Variants in RPS6KC1 observed in about 807,000 individuals in gnomAD.
RPS6KC1 encodes inactive ribosomal protein S6 kinase delta-1.
RPS6KC1 carries 54 observed loss-of-function variants against 103.8 expected under a neutral mutation model. That is an observed-to-expected ratio of 0.52 (90% CI 0.42 to 0.65). RPS6KC1 has a LOEUF of 0.65. RPS6KC1 is among the 30% of genes least tolerant of loss of function. The probability of loss-of-function intolerance (pLI) is 0.00; values close to 1 mark genes in which losing one functional copy is unlikely to be tolerated. For synonymous variants in RPS6KC1, 439 were observed against 438.7 expected, an observed-to-expected ratio of 1.00 and a Z score of -0.01; for missense variants, 1,151 against 1,253.8, an observed-to-expected ratio of 0.92 and a Z score of 1.24.
At chr1:213,658,075 T>C in the RPS6KC1 span, among the ~76,000 whole-genome samples, 1 of 152,118 alleles carries the variant, frequency 6.6e-6, no homozygotes, top group African/African-American at 2.4e-5. Context: ...AGGGAGGAAA[T>C]GAATGACATA....
At chr1:213,474,069 T>C in the RPS6KC1 span, among the ~76,000 whole-genome samples, 1 of 152,166 alleles carries the variant, frequency 6.6e-6, no homozygotes, top group African/African-American at 2.4e-5. Flanking sequence ...CCAAAGCTGG[T>C]CTTCTAGGCT....
At chr1:213,718,466 C>A in the RPS6KC1 span, among the ~76,000 whole-genome samples, 9 of 152,316 alleles carry the variant, frequency 5.9e-5, no homozygotes, top group South Asian at 4.1e-4. Flanking sequence ...TATGTAACAC[C>A]CTCTCTGAGG....
the RPS6KC1 span, among the ~76,000 whole-genome samples, chr1:213,486,275 A>C: frequency 6.6e-6 from 1 of 152,212 alleles, no homozygotes; most frequent in Non-Finnish European, 1.5e-5. Flanking sequence ...GGATTTATTA[A>C]ATTGGTTCAA....
chr1:213,100,783 G>T (rs1558316205), intron 3 of RPS6KC1, among the ~76,000 whole-genome samples: 2 of 152,138 alleles, frequency 1.3e-5, no homozygotes, highest in South Asian at 4.1e-4. Context: ...TTTTATGGCT[G>T]TGTAGTATTC....
At chr1:213,510,001 C>T in the RPS6KC1 span, among the ~76,000 whole-genome samples, 100 of 152,312 alleles carry the variant, frequency 6.6e-4, no homozygotes, top group African/African-American at 2.2e-3. Flanking sequence ...GACTGATTCT[C>T]ACAGCTCTGT....
chr1:213,054,549 C>T (rs1334595110), intron 1 of RPS6KC1, among the ~76,000 whole-genome samples: 2 of 152,210 alleles, frequency 1.3e-5, no homozygotes, highest in African/African-American at 4.8e-5. Flanking sequence ...ATATTTTCTA[C>T]TACTGATTTA....
chr1:213,539,546 T>C, the RPS6KC1 span, among the ~76,000 whole-genome samples: 1 of 152,190 alleles, frequency 6.6e-6, no homozygotes, highest in Non-Finnish European at 1.5e-5. Flanking sequence ...CAGAGTGAGA[T>C]GGGAGGCAGA....
At chr1:213,193,136 A>G (rs985726800) in intron 8 of RPS6KC1, among the ~76,000 whole-genome samples, 2 of 152,126 alleles carry the variant, frequency 1.3e-5, no homozygotes, top group African/African-American at 4.8e-5. Context: ...TGTCCTTGAA[A>G]ATGATCCACG....
chr1:213,819,604 A>G, the RPS6KC1 span: 1 of 152,256 alleles, frequency 6.6e-6, no homozygotes, highest in African/African-American at 2.4e-5. Flanking sequence ...CCTTATATGC[A>G]GAGGAAGATA....
the RPS6KC1 span, among the ~76,000 whole-genome samples, chr1:213,279,937 C>G: frequency 2.0e-5 from 3 of 152,184 alleles, no homozygotes; most frequent in Non-Finnish European, 4.4e-5. Flanking sequence ...TGTGTTTTAA[C>G]AAGCCCTTTC....
the RPS6KC1 span, among the ~76,000 whole-genome samples, chr1:213,323,055 C>A: frequency 6.6e-6 from 1 of 151,172 alleles, no homozygotes; most frequent in South Asian, 2.1e-4. Flanking sequence ...TGAGCCACTG[C>A]GCTGGGCCTC....
At chr1:213,569,834 G>A in the RPS6KC1 span, among the ~76,000 whole-genome samples, 1 of 152,178 alleles carries the variant, frequency 6.6e-6, no homozygotes, top group African/African-American at 2.4e-5. Flanking sequence ...AGGTGAGTTT[G>A]AGACATTTTC....
chr1:213,569,144 A>T, the RPS6KC1 span, among the ~76,000 whole-genome samples: 2 of 152,024 alleles, frequency 1.3e-5, no homozygotes, highest in Non-Finnish European at 2.9e-5. Flanking sequence ...TTTCCTAGGT[A>T]CTCAGGCAGG....
chr1:213,380,991 C>T, the RPS6KC1 span, among the ~76,000 whole-genome samples: 350 of 152,234 alleles, frequency 2.3e-3, 8 homozygotes, highest in Non-Finnish European at 4.7e-4. Flanking sequence ...CCTGGCTTGG[C>T]GGAGGGATCA....
At chr1:213,394,824 T>C in the RPS6KC1 span, among the ~76,000 whole-genome samples, 2 of 152,210 alleles carry the variant, frequency 1.3e-5, no homozygotes, top group Non-Finnish European at 2.9e-5. Context: ...CTTTCTGTAC[T>C]TGCATATTGG....
chr1:213,679,898 GA>G, the RPS6KC1 span, among the ~76,000 whole-genome samples: 1 of 152,168 alleles, frequency 6.6e-6, no homozygotes, highest in African/African-American at 2.4e-5. Flanking sequence ...CTTAGTTGTA[GA>G]TATGCCTCTA....
At chr1:213,789,955 A>G in the RPS6KC1 span, among the ~76,000 whole-genome samples, 1 of 152,182 alleles carries the variant, frequency 6.6e-6, no homozygotes, top group Admixed American at 6.5e-5. Context: ...ACAACTTTCA[A>G]TGGTTTGTAA....
chr1:213,618,108 A>T, the RPS6KC1 span, among the ~76,000 whole-genome samples: 1 of 152,202 alleles, frequency 6.6e-6, no homozygotes, highest in South Asian at 2.1e-4. Flanking sequence ...GCACTTAAAA[A>T]ATTTCCCCAA....
chr1:213,741,103 G>A, the RPS6KC1 span, among the ~76,000 whole-genome samples: 1 of 149,170 alleles, frequency 6.7e-6, no homozygotes, highest in South Asian at 2.1e-4. Context: ...GAGAAACATA[G>A]GGGCATTATC....
Sources: allele counts gnomAD v4.1 joint callset (sites outside exome capture counted in the v4.1 genomes callset), GRCh38; gene constraint gnomAD v4.1.1; transcripts MANE v1.5; gene names NCBI Gene and HGNC (gene_info 2026-07-23, HGNC 2026-07-21).